ATRNL1: variants seen among roughly 807,000 people sequenced by gnomAD.
ATRNL1 encodes attractin like 1.
Under a neutral mutation model 182.7 loss-of-function variants are expected in ATRNL1, and 95 were observed. The ratio of observed to expected loss-of-function variants is 0.52; its 90% CI spans 0.44 to 0.62. The LOEUF (loss-of-function observed/expected upper bound fraction) is 0.62. Among genes scored for constraint, ATRNL1 ranks in the 20% least tolerant of loss-of-function variants. The probability of loss-of-function intolerance (pLI) is 0.00; values close to 1 mark genes in which losing one functional copy is unlikely to be tolerated. For synonymous variants in ATRNL1, 576 were observed against 568.3 expected (o/e 1.01, Z -0.19); for missense variants, 1,471 against 1,679.5 (o/e 0.88, Z 2.17).
chr10:115,905,387 AT>A lies in ATRNL1; in HGVS notation c.4019-39255del, dbSNP rs112510400. ...ATGCCTATACCACCACACCCAGCTA[AT>A]TTTTTTTTTTTTTTTAAGTTTTGTA... On this transcript the variant is annotated intron_variant, in intron 28 of 28. Coordinates refer to ENST00000355044, the MANE Select transcript of ATRNL1 (RefSeq NM_207303.4). Among the ~76,000 whole-genome samples, 560 of 142,150 alleles carry A rather than the reference AT, an allele frequency of 3.9e-3. 1 individual carries two copies. The highest frequency in any genetic ancestry group is 5.7e-3 in the South Asian group (25 of 4,372). The allele number at this position is 142,150 out of a possible 152,430, so 93.3% of individuals were successfully genotyped here.
intron 28 of ATRNL1, among the ~76,000 whole-genome samples, chr10:115,894,870 T>C (rs1451105066): frequency 6.6e-6 from 1 of 152,156 alleles, no homozygotes; most frequent in Non-Finnish European, 1.5e-5. Context: ...AGCTTTTAGC[T>C]TATCCCCTGG....
chr10:115,783,011 T>C (rs79182923), intron 27 of ATRNL1, among the ~76,000 whole-genome samples: 6,101 of 152,270 alleles, frequency 0.04, 341 homozygotes, highest in African/African-American at 0.13. Context: ...ATCTTAAATA[T>C]TTCATTTAAG....
At chr10:115,786,165 T>C (rs1949392060) in intron 27 of ATRNL1, among the ~76,000 whole-genome samples, 1 of 152,198 alleles carries the variant, frequency 6.6e-6, no homozygotes, top group African/African-American at 2.4e-5. Flanking sequence ...TCATCAAGGC[T>C]TTTCCTATCA....
intron 1 of ATRNL1, among the ~76,000 whole-genome samples, chr10:115,104,789 T>A: frequency 6.6e-6 from 1 of 152,212 alleles, no homozygotes; most frequent in African/African-American, 2.4e-5. Flanking sequence ...CAGCACAATT[T>A]ATTGAGGAGA....
chr10:115,606,857 A>G (rs1856901507), intron 26 of ATRNL1, among the ~76,000 whole-genome samples: 1 of 152,026 alleles, frequency 6.6e-6, no homozygotes, highest in South Asian at 2.1e-4. Context: ...GTTCTAGTAA[A>G]CATGAACAAT....
chr10:115,241,799 A>T lies in ATRNL1; in HGVS notation c.1687+74A>T, dbSNP rs1046068548. ...CATATAGATATTCTCAAATACATTA[A>T]TTGATAGCATGTGTATATGTCATTT... On this transcript the variant is annotated intron_variant, in intron 10 of 28. Transcript: ENST00000355044. 7.9e-6 allele frequency: 10 copies of T among 1,260,430 alleles called. No individual in the cohort carries two copies. The East Asian group carries it at 2.1e-4, about 27-fold the overall frequency. The allele number at this position is 1,260,430 out of a possible 1,614,324, so 78.1% of individuals were successfully genotyped here.
intron 21 of ATRNL1, among the ~76,000 whole-genome samples, chr10:115,457,361 A>AGAGT (rs1847577622): frequency 6.6e-6 from 1 of 151,880 alleles, no homozygotes; most frequent in Admixed American, 6.6e-5. Flanking sequence ...ACCAATCGAG[A>AGAGT]GAGTGGGTGG....
intron 27 of ATRNL1, among the ~76,000 whole-genome samples, chr10:115,772,597 CTGTGTGTG>C (rs57939999): frequency 7.1e-5 from 10 of 140,350 alleles, no homozygotes; most frequent in Non-Finnish European, 9.2e-5. Flanking sequence ...TATACTCTGT[CTGTGTGTG>C]TGTGTGTGTG....
chr10:115,448,406 C>G lies in ATRNL1; in HGVS notation c.3323-13535C>G, dbSNP rs566159636. On this transcript the variant is annotated intron_variant, in intron 21 of 28. Coordinates refer to ENST00000355044, the MANE Select transcript of ATRNL1 (RefSeq NM_207303.4). Reference sequence around the variant, plus strand: ...GAAAATTGCTCAAGAAATTAAATAACGTGCTCTGGAATGACTTTTGGATAA... The same window carrying G: ...GAAAATTGCTCAAGAAATTAAATAAGGTGCTCTGGAATGACTTTTGGATAA... 3.3e-5 allele frequency among the ~76,000 whole-genome samples: 5 copies of G among 152,182 alleles called. No homozygotes were observed. The South Asian group carries it at 1.0e-3, about 32-fold the overall frequency.
chr10:115,416,984 T>C (rs1554960992), intron 20 of ATRNL1, among the ~76,000 whole-genome samples: 1 of 152,178 alleles, frequency 6.6e-6, no homozygotes, highest in Non-Finnish European at 1.5e-5. Context: ...ACTTATCTAC[T>C]GACAAAAGTC....
At chr10:115,379,842 T>G (rs1183581954) in intron 19 of ATRNL1, among the ~76,000 whole-genome samples, 1 of 152,198 alleles carries the variant, frequency 6.6e-6, no homozygotes, top group Non-Finnish European at 1.5e-5. Flanking sequence ...CTTTTTTTCT[T>G]TTGAGACGGA....
At chr10:115,503,739 G>T (rs1023512081) in intron 24 of ATRNL1, among the ~76,000 whole-genome samples, 1 of 150,956 alleles carries the variant, frequency 6.6e-6, no homozygotes, top group Non-Finnish European at 1.5e-5. Flanking sequence ...TACCCAGACT[G>T]TTCATGACAT....
At chr10:115,928,068 T>C (rs1953287577) in intron 28 of ATRNL1, among the ~76,000 whole-genome samples, 1 of 152,050 alleles carries the variant, frequency 6.6e-6, no homozygotes, top group South Asian at 2.1e-4. Context: ...AGGAAATTTC[T>C]AAGGCTCCTT....
At chr10:115,528,717 A>C (rs1240254466) in intron 25 of ATRNL1, among the ~76,000 whole-genome samples, 1 of 152,024 alleles carries the variant, frequency 6.6e-6, no homozygotes, top group African/African-American at 2.4e-5. Context: ...TGTAAAGTTA[A>C]GTTGCGTATT....
At chr10:115,655,343 A>G (rs1555035534) in intron 26 of ATRNL1, among the ~76,000 whole-genome samples, 1 of 152,218 alleles carries the variant, frequency 6.6e-6, no homozygotes, top group Non-Finnish European at 1.5e-5. Flanking sequence ...GTGGATTGTG[A>G]ATTATATCTT....
intron 1 of ATRNL1, among the ~76,000 whole-genome samples, chr10:115,109,394 G>A (rs988954385): frequency 2.6e-5 from 4 of 152,210 alleles, no homozygotes; most frequent in Non-Finnish European, 5.9e-5. Context: ...AATTTGGCAA[G>A]AGCTTTCTTG....
At chr10:115,845,468 A>C (rs1278416827) in intron 27 of ATRNL1, among the ~76,000 whole-genome samples, 1 of 151,988 alleles carries the variant, frequency 6.6e-6, no homozygotes, top group African/African-American at 2.4e-5. Flanking sequence ...ATTCCACCTG[A>C]AGTTTAGTTA....
At chr10:115,137,752 C>G (rs1845580534) in intron 5 of ATRNL1, among the ~76,000 whole-genome samples, 1 of 152,180 alleles carries the variant, frequency 6.6e-6, no homozygotes, top group African/African-American at 2.4e-5. Context: ...GGTGGGGACA[C>G]AGCCAAACCA....
Position 115,944,924 on chromosome 10 carries a change from A to C in ATRNL1, c.*145A>C. ...TTTCCTTCCAAATGGACAATGACCC[A>C]GGTGGCCAAAGAATGTTCATGAGTT... is the stretch of plus-strand genomic sequence containing the variant. On this transcript the variant is annotated 3_prime_UTR_variant, in exon 29 of 29. Coordinates refer to ENST00000355044, the MANE Select transcript of ATRNL1 (RefSeq NM_207303.4). 2 of 942,274 alleles carry C rather than the reference A, an allele frequency of 2.1e-6. No individual in the cohort carries two copies. Among genetic ancestry groups the C allele is most frequent in the Non-Finnish European group, 2.9e-6 (2 of 684,942 alleles). 58.4% of individuals were successfully genotyped at this position (942,274 alleles called of 1,614,324 possible).
Sources: gnomAD v4.1 joint callset for allele counts (sites outside exome capture counted in the v4.1 genomes callset) on GRCh38, gnomAD v4.1.1 for gene constraint, MANE v1.5 for transcripts, NCBI Gene and HGNC (gene_info 2026-07-23, HGNC 2026-07-21) for gene names.